FOCAD: variants seen among roughly 807,000 people sequenced by gnomAD.
FOCAD encodes the protein KIAA1797.
Under a neutral mutation model 225.6 loss-of-function variants are expected in FOCAD, and 198 were observed. The observed-to-expected ratio is 0.88, with a 90% CI of 0.78 to 0.99. The LOEUF is 0.99. Among genes scored for constraint, FOCAD ranks in the 50% least tolerant of loss-of-function variants. The probability of loss-of-function intolerance (pLI) is 0.00; values close to 1 mark genes in which losing one functional copy is unlikely to be tolerated. For missense variants in FOCAD, 2,713 were observed against 2,123.6 expected (o/e 1.28, Z -5.46); for synonymous variants, 897 against 755.0 (o/e 1.19, Z -3.08).
chr9:20,808,307 C>G (rs992552244), intron 11 of FOCAD, among the ~76,000 whole-genome samples: 1 of 152,106 alleles, frequency 6.6e-6, no homozygotes. Context: ...CAGCTCAGCT[C>G]ACGTTTACTG....
intron 22 of FOCAD, among the ~76,000 whole-genome samples, chr9:20,910,605 A>C (rs1833358978): frequency 6.6e-6 from 1 of 152,080 alleles, no homozygotes; most frequent in African/African-American, 2.4e-5. Context: ...TAGCTAGATT[A>C]ATCATTGGAA....
chr9:20,795,864 G>A (rs546066260), intron 11 of FOCAD, among the ~76,000 whole-genome samples: 9 of 150,272 alleles, frequency 6.0e-5, no homozygotes, highest in Admixed American at 6.0e-4. Context: ...TTAAGTTTTA[G>A]GGTTCATGTG....
At chr9:20,818,163 A>G (rs186123751) in intron 11 of FOCAD, among the ~76,000 whole-genome samples, 30 of 152,168 alleles carry the variant, frequency 2.0e-4, no homozygotes, top group African/African-American at 7.2e-4. Flanking sequence ...TGTATTGGCC[A>G]TTTGTTTATC....
chr9:20,842,367 G>C (rs1164497562), intron 15 of FOCAD, among the ~76,000 whole-genome samples: 1 of 151,732 alleles, frequency 6.6e-6, no homozygotes, highest in East Asian at 1.9e-4. Flanking sequence ...TATTGTCTTG[G>C]GGTCTGTTTC....
At chr9:20,982,167 CAAA>C (rs138719230) in intron 38 of FOCAD, among the ~76,000 whole-genome samples, 187 bp from the exon 39 acceptor site, 1 of 151,780 alleles carries the variant, frequency 6.6e-6, no homozygotes, top group African/African-American at 2.4e-5. Flanking sequence ...CAAAACAAAA[CAAA>C]AAAACACAAA....
chr9:20,902,265 G>A (rs1357381925), intron 21 of FOCAD, among the ~76,000 whole-genome samples: 1 of 151,866 alleles, frequency 6.6e-6, no homozygotes, highest in East Asian at 1.9e-4. Flanking sequence ...CTGGAAGTAT[G>A]GAGATGAGAA....
intron 43 of FOCAD, 46 bp downstream of exon 43, chr9:20,993,374 T>C (rs769082086): frequency 1.3e-6 from 2 of 1,490,154 alleles, no homozygotes; most frequent in Non-Finnish European, 1.9e-6. Context: ...AAAACCATTA[T>C]TGTTGTCTGT....
In FOCAD at chr9:20,896,424, T is replaced by C. The variant is rs112511188; in HGVS notation, c.2626-10726T>C. 6.7e-3 allele frequency among the ~76,000 whole-genome samples: 1,021 copies of C among 152,028 alleles called. 11 individuals carry two copies. Among genetic ancestry groups the C allele is most frequent in the African/African-American group, 0.023 (970 of 41,540 alleles). ...TGCTTCTGCCTTCTGAAAGAGACTG[T>C]TGGGAATTGGTGTGATATCCTCCTT... is the stretch of plus-strand genomic sequence containing the variant. On this transcript the variant is annotated intron_variant, in intron 21 of 43. Transcript: ENST00000338382.
intron 15 of FOCAD, among the ~76,000 whole-genome samples, chr9:20,834,347 G>C (rs1292958911): frequency 2.0e-5 from 3 of 151,964 alleles, no homozygotes; most frequent in Non-Finnish European, 4.4e-5. Flanking sequence ...AATGTGTGTT[G>C]GGCTTAATAC....
At position 20,944,970 on chromosome 9, in the gene FOCAD, ATG is replaced by A. The variant is rs571223838; in HGVS notation, c.3555+199_3555+200del. Among the ~76,000 whole-genome samples the A allele has an allele frequency of 7.2e-5, 11 of 152,362 alleles. 1 individual carries two copies. The South Asian group carries it at 2.3e-3, about 32-fold the overall frequency. The stretch of plus-strand genomic sequence containing the variant: ...GCAGTTTAAATCAACTTAAACCTAA[ATG>A]TGGCATATAAGATAAGAGCCTTTAG... On this transcript the variant is annotated intron_variant, in intron 29 of 43. Transcript: ENST00000338382.
chr9:20,940,439 C>A (rs1237435125), intron 28 of FOCAD, among the ~76,000 whole-genome samples: 1 of 152,028 alleles, frequency 6.6e-6, no homozygotes, highest in Non-Finnish European at 1.5e-5. Flanking sequence ...CATATGCAAC[C>A]ATGCTTGACT....
chr9:20,863,955 C>T (rs1291518614), intron 16 of FOCAD, among the ~76,000 whole-genome samples: 4 of 151,276 alleles, frequency 2.6e-5, no homozygotes, highest in Non-Finnish European at 3.0e-5. Flanking sequence ...ATTTTTTTTT[C>T]TTCCAGATTT....
intron 1 of FOCAD, among the ~76,000 whole-genome samples, chr9:20,698,124 AATTAAAC>A (rs940159744): frequency 6.6e-6 from 1 of 152,248 alleles, no homozygotes; most frequent in African/African-American, 2.4e-5. Flanking sequence ...TTAAAATTGC[AATTAAAC>A]ATTTTATTTT....
chr9:20,936,503 G>A (rs1276515199), intron 28 of FOCAD, among the ~76,000 whole-genome samples: 1 of 152,162 alleles, frequency 6.6e-6, no homozygotes, highest in Non-Finnish European at 1.5e-5. Context: ...GGTTTCTCAA[G>A]AAACACTTTT....
rs556917207 is a variant in FOCAD at position 20,942,570 on chromosome 9, A to G, written c.3408-2057A>G. ...TTATAAAATTTGCCTACTACTAAAC[A>G]TAAGAATCAAGCCTTGCTTTTTTCT... On this transcript the variant is annotated intron_variant, in intron 28 of 43. Transcript: ENST00000338382. 5.2e-5 allele frequency among the ~76,000 whole-genome samples: 8 copies of G among 152,384 alleles called. No homozygotes were observed. The South Asian group carries it at 1.2e-3, about 24-fold the overall frequency.
chr9:20,678,501 G>A (rs1822302152), intron 2 of FOCAD, among the ~76,000 whole-genome samples: 1 of 152,222 alleles, frequency 6.6e-6, no homozygotes, highest in African/African-American at 2.4e-5. Context: ...AAGCCACTAA[G>A]TTCTGGGGTG....
intron 21 of FOCAD, among the ~76,000 whole-genome samples, chr9:20,888,935 G>C (rs1472910191): frequency 3.3e-5 from 5 of 152,140 alleles, no homozygotes; most frequent in Non-Finnish European, 1.5e-5. Flanking sequence ...ACCCAGTCTT[G>C]GGTATGTCTT....
At chr9:20,800,610 A>G (rs1394922638) in intron 11 of FOCAD, among the ~76,000 whole-genome samples, 3 of 152,058 alleles carry the variant, frequency 2.0e-5, no homozygotes, top group African/African-American at 4.8e-5. Flanking sequence ...ATCTTCCATC[A>G]CTGATACCCT....
intron 4 of FOCAD, among the ~76,000 whole-genome samples, chr9:20,738,678 C>G (rs1157617101): frequency 6.6e-6 from 1 of 152,144 alleles, no homozygotes; most frequent in African/African-American, 2.4e-5. Flanking sequence ...CAAGAGAAAC[C>G]TCAATACTCC....
Sources: allele counts gnomAD v4.1 joint callset (sites outside exome capture counted in the v4.1 genomes callset), GRCh38; gene constraint gnomAD v4.1.1; transcripts MANE v1.5; gene names NCBI Gene and HGNC (gene_info 2026-07-23, HGNC 2026-07-21).